Variants in DLG2 observed in about 807,000 individuals in gnomAD.
The protein encoded by DLG2 is disks large homolog 2.
Under a neutral mutation model 132.5 loss-of-function variants are expected in DLG2, and 45 were observed. The ratio of observed to expected loss-of-function variants is 0.34; its 90% confidence interval spans 0.27 to 0.44. The LOEUF is 0.44. DLG2 is among the 20% of genes least tolerant of loss of function. DLG2 has a pLI of 1.00. For synonymous variants in DLG2, 424 were observed against 419.6 expected (o/e 1.01, Z -0.13); for missense variants, 1,045 against 1,196.9 (o/e 0.87, Z 1.87).
intron 15 of DLG2, among the ~76,000 whole-genome samples, chr11:83,902,928 T>C (rs555408772): frequency 2.8e-4 from 43 of 152,306 alleles, no homozygotes; most frequent in Non-Finnish European, 5.7e-4. Context: ...AGATTTTTCT[T>C]ACGTTCTCAG....
intron 19 of DLG2, among the ~76,000 whole-genome samples, chr11:83,561,883 C>CTTTTTTTTT (rs66514406): frequency 2.3e-4 from 20 of 87,944 alleles, no homozygotes; most frequent in East Asian, 3.4e-4. Flanking sequence ...GTATTTCTTT[C>CTTTTTTTTT]TTTTTTTTTT....
At chr11:84,743,053 A>G (rs1252882462) in intron 6 of DLG2, among the ~76,000 whole-genome samples, 1 of 152,178 alleles carries the variant, frequency 6.6e-6, no homozygotes, top group Non-Finnish European at 1.5e-5. Flanking sequence ...AGATTTATTC[A>G]CTTTTTAAAC....
chr11:85,428,076 A>T (rs1311633350), intron 3 of DLG2, among the ~76,000 whole-genome samples: 4 of 152,228 alleles, frequency 2.6e-5, no homozygotes, highest in African/African-American at 9.6e-5. Flanking sequence ...AGAAGAGCTA[A>T]CTATCCTAAA....
At chr11:85,485,424 G>A (rs929548824) in intron 3 of DLG2, among the ~76,000 whole-genome samples, 8 of 152,046 alleles carry the variant, frequency 5.3e-5, no homozygotes, top group Non-Finnish European at 1.2e-4. Context: ...AAATGTGGAA[G>A]GATGGGTCAG....
At chr11:84,482,538 T>C (rs1376292565) in intron 7 of DLG2, among the ~76,000 whole-genome samples, 1 of 152,196 alleles carries the variant, frequency 6.6e-6, no homozygotes, top group Non-Finnish European at 1.5e-5. Flanking sequence ...TGTAAAAGGG[T>C]GGTAACACGA....
chr11:83,505,635 C>G (rs1293701417), intron 21 of DLG2, among the ~76,000 whole-genome samples: 2 of 152,202 alleles, frequency 1.3e-5, no homozygotes, highest in Non-Finnish European at 2.9e-5. Flanking sequence ...TCTTCCAAGT[C>G]CCTGACCATC....
rs865974943 is a variant in DLG2, at chr11:84,251,889, C to T, written c.520-598G>A. ...TCCTGACCTTGTGATCTACCCACCT[C>T]GGACTCCCAAAGTGCTGGGATTATA... is the stretch of plus-strand genomic sequence containing the variant. On this transcript the variant is annotated intron_variant, in intron 7 of 27. Coordinates refer to ENST00000376104, the MANE Select transcript of DLG2 (RefSeq NM_001142699.3). 4.5e-4 allele frequency among the ~76,000 whole-genome samples: 68 copies of T among 151,918 alleles called. 1 individual carries two copies. The highest frequency in any genetic ancestry group is 1.4e-3 in the African/African-American group (58 of 41,470).
chr11:83,773,510 A>C (rs1163992046), intron 18 of DLG2, among the ~76,000 whole-genome samples: 1 of 152,242 alleles, frequency 6.6e-6, no homozygotes, highest in Non-Finnish European at 1.5e-5. Context: ...AAACAACCAA[A>C]GTAAAACTGA....
chr11:83,800,440 A>G (rs1421480059), intron 17 of DLG2, among the ~76,000 whole-genome samples: 1 of 152,258 alleles, frequency 6.6e-6, no homozygotes, highest in African/African-American at 2.4e-5. Flanking sequence ...TATAAATTGT[A>G]TTTGAAGTGG....
intron 3 of DLG2, among the ~76,000 whole-genome samples, chr11:85,526,055 T>C (rs548878863): frequency 6.6e-6 from 1 of 152,174 alleles, no homozygotes; most frequent in Non-Finnish European, 1.5e-5. Context: ...AGCCAAAATG[T>C]AAACCTTCTT....
intron 3 of DLG2, among the ~76,000 whole-genome samples, chr11:85,472,131 G>C (rs886763769): frequency 6.6e-6 from 1 of 152,052 alleles, no homozygotes; most frequent in African/African-American, 2.4e-5. Context: ...GAATTTCCTT[G>C]ATGCCTTTTA....
chr11:83,480,718 C>T (rs548514455), intron 22 of DLG2: 2 of 1,127,814 alleles, frequency 1.8e-6, no homozygotes, highest in South Asian at 2.7e-5. Flanking sequence ...ATTCATATAC[C>T]TCTGACTTTC....
At chr11:83,813,585 G>C (rs2047975275) in intron 17 of DLG2, among the ~76,000 whole-genome samples, 1 of 152,094 alleles carries the variant, frequency 6.6e-6, no homozygotes, top group Admixed American at 6.6e-5. Flanking sequence ...GACTGAGTAA[G>C]GTTGAGTGAC....
chr11:84,820,502 C>T (rs759079646), intron 6 of DLG2, among the ~76,000 whole-genome samples: 3 of 151,866 alleles, frequency 2.0e-5, no homozygotes, highest in Non-Finnish European at 4.4e-5. Flanking sequence ...CCCCTGGACT[C>T]ACAGACAATG....
At chr11:85,081,365 G>A (rs1345184290) in intron 6 of DLG2, among the ~76,000 whole-genome samples, 2 of 152,078 alleles carry the variant, frequency 1.3e-5, no homozygotes, top group African/African-American at 2.4e-5. Context: ...TATATGTTGG[G>A]CCTCAAAAAC....
intron 8 of DLG2, among the ~76,000 whole-genome samples, chr11:84,202,039 G>C (rs1032728623): frequency 6.6e-6 from 1 of 151,622 alleles, no homozygotes; most frequent in Non-Finnish European, 1.5e-5. Context: ...GGCTGGTCTC[G>C]AACTCCTGAC....
intron 7 of DLG2, among the ~76,000 whole-genome samples, chr11:84,287,722 C>T (rs1219020556): frequency 7.1e-6 from 1 of 140,432 alleles, no homozygotes; most frequent in East Asian, 2.1e-4. Context: ...TCTCTCCCTC[C>T]ATATTTTTCT....
At chr11:85,389,339 C>G (rs991979596) in intron 3 of DLG2, among the ~76,000 whole-genome samples, 1 of 152,106 alleles carries the variant, frequency 6.6e-6, no homozygotes, top group Non-Finnish European at 1.5e-5. Context: ...ATGAACAAAG[C>G]CTCCAAGAAG....
chr11:85,424,427 C>A (rs2090558520), intron 3 of DLG2, among the ~76,000 whole-genome samples: 1 of 152,174 alleles, frequency 6.6e-6, no homozygotes, highest in African/African-American at 2.4e-5. Flanking sequence ...CTAGTCCTAC[C>A]TCCCATCCGC....
Sources: gnomAD v4.1 joint callset for allele counts (sites outside exome capture counted in the v4.1 genomes callset) on GRCh38, gnomAD v4.1.1 for gene constraint, MANE v1.5 for transcripts, NCBI Gene and HGNC (gene_info 2026-07-23, HGNC 2026-07-21) for gene names.